Variants in ANKRD44 observed in about 807,000 individuals in gnomAD.
The protein encoded by ANKRD44 is ankyrin repeat domain 44.
A neutral mutation model predicts 116.0 loss-of-function variants in ANKRD44; 35 were observed. The ratio of observed to expected loss-of-function variants is 0.30; its 90% CI spans 0.23 to 0.40. The LOEUF is 0.40. Among genes scored for constraint, ANKRD44 ranks in the 10% least tolerant of loss-of-function variants. The probability of loss-of-function intolerance (pLI) is 1.00; values close to 1 mark genes in which losing one functional copy is unlikely to be tolerated. For synonymous variants in ANKRD44, 435 were observed against 461.8 expected (o/e 0.94, Z 0.74); for missense variants, 1,014 against 1,242.6 (o/e 0.82, Z 2.77).
At chr2:197,109,047 C>T (rs1306644890) in intron 9 of ANKRD44, among the ~76,000 whole-genome samples, 2 of 152,144 alleles carry the variant, frequency 1.3e-5, no homozygotes, top group Non-Finnish European at 1.5e-5. Context: ...CATGGCCTGA[C>T]GCACAGGGAT....
chr2:197,216,099 C>A (rs1553535028), intron 1 of ANKRD44, among the ~76,000 whole-genome samples: 1 of 152,132 alleles, frequency 6.6e-6, no homozygotes, highest in Non-Finnish European at 1.5e-5. Context: ...TTAGTAAAAC[C>A]AAGAAGACAT....
chr2:197,122,780 A>T lies in ANKRD44; in HGVS notation c.563T>A (p.Val188Asp). 6.2e-7 allele frequency: 1 copy of T among 1,613,760 alleles called. No homozygotes were observed. Among genetic ancestry groups the T allele is most frequent in the Non-Finnish European group, 8.5e-7 (1 of 1,179,838 alleles). The change falls in exon 7 of 28, where the codon GTT (valine) becomes GAT (aspartate). Residue 188 changes from valine (V) to aspartate (D), a missense_variant. By Grantham distance (152) the Val-to-Asp change is radical. Coordinates refer to ENST00000282272, the MANE Select transcript of ANKRD44 (RefSeq NM_001195144.2). ...HWAAYMGHLD[V>D]VALLINHGAE... The stretch of plus-strand genomic sequence containing the variant: ...GCCATGGTTAATGAGCAATGCTACA[A>T]CATCCAAGTGGCCTTTACAAACAAA...
chr2:197,276,100 A>C (rs1574422286), intron 1 of ANKRD44, among the ~76,000 whole-genome samples: 1 of 152,040 alleles, frequency 6.6e-6, no homozygotes, highest in East Asian at 1.9e-4. Context: ...ACATGGTGAA[A>C]CCCTGTCTCT....
chr2:197,071,527 T>C (rs1447987969), intron 16 of ANKRD44, among the ~76,000 whole-genome samples: 1 of 152,228 alleles, frequency 6.6e-6, no homozygotes, highest in Non-Finnish European at 1.5e-5. Flanking sequence ...TATTGATTTC[T>C]AGTTTTATCC....
intron 1 of ANKRD44, among the ~76,000 whole-genome samples, chr2:197,202,925 G>GT (rs2081125983): frequency 6.6e-6 from 1 of 151,562 alleles, no homozygotes; most frequent in Admixed American, 6.6e-5. Flanking sequence ...TTTGGCTGAT[G>GT]TTTTTTGGCT....
chr2:196,996,254 T>A (rs988012746), intron 25 of ANKRD44, among the ~76,000 whole-genome samples: 1 of 152,228 alleles, frequency 6.6e-6, no homozygotes, highest in Non-Finnish European at 1.5e-5. Context: ...TTCGTTTGCA[T>A]GATAAAGTTT....
At chr2:196,972,655 T>C (rs2075723837) in intron 21 of ANKRD44, among the ~76,000 whole-genome samples, 1 of 152,250 alleles carries the variant, frequency 6.6e-6, no homozygotes. Flanking sequence ...AAGTCTATAT[T>C]TGTAGCCTGC....
Position 196,998,426 on chromosome 2 carries a change from A to C in ANKRD44, c.2666-7T>G. On this transcript the variant is annotated splice_region_variant and splice_polypyrimidine_tract_variant and intron_variant, in intron 24 of 27. Transcript: ENST00000282272. ...GCACTGTTCACCAAAATATCTGTAG[A>C]AAAAGCCCAAAAGAGGGTTACTTAG... The C allele has an allele frequency of 6.2e-7, 1 of 1,611,600 alleles. No individual in the cohort carries two copies. The highest frequency in any genetic ancestry group is 8.5e-7 in the Non-Finnish European group (1 of 1,178,204).
chr2:197,031,338 T>G (rs1387526857), intron 16 of ANKRD44, among the ~76,000 whole-genome samples: 1 of 152,178 alleles, frequency 6.6e-6, no homozygotes, highest in East Asian at 1.9e-4. Context: ...GTTTTGTTTG[T>G]GTGTGTGTTT....
intron 16 of ANKRD44, among the ~76,000 whole-genome samples, chr2:197,043,318 T>C (rs995729147): frequency 5.3e-5 from 8 of 152,190 alleles, no homozygotes; most frequent in Non-Finnish European, 2.9e-5. Context: ...AAAGTTCCTT[T>C]CTTATTGTTC....
chr2:197,218,559 G>A (rs1024969465), intron 1 of ANKRD44, among the ~76,000 whole-genome samples: 2 of 152,062 alleles, frequency 1.3e-5, no homozygotes, highest in Middle Eastern at 3.4e-3. Context: ...TCTCCATAAA[G>A]CCACCCATGA....
chr2:197,194,986 G>A (rs184298283), intron 1 of ANKRD44, among the ~76,000 whole-genome samples: 1 of 152,094 alleles, frequency 6.6e-6, no homozygotes, highest in Admixed American at 6.5e-5. Flanking sequence ...ATAACTGGGT[G>A]GGGGGAGCAT....
exon 22 of ANKRD44, chr2:196,967,267 A>C (rs893348575): frequency 6.8e-6 from 2 of 292,636 alleles, no homozygotes; most frequent in Admixed American, 7.7e-5. Context: ...CGTGCTTCCC[A>C]ATCACAGACA....
intron 21 of ANKRD44, among the ~76,000 whole-genome samples, chr2:196,976,914 AG>A (rs2125862293): frequency 7.0e-6 from 1 of 141,988 alleles, no homozygotes; most frequent in East Asian, 2.4e-4. Flanking sequence ...AGAGGGAGGG[AG>A]GGAGGGCTCT....
At chr2:197,228,232 G>C (rs2081766189) in intron 1 of ANKRD44, among the ~76,000 whole-genome samples, 1 of 152,200 alleles carries the variant, frequency 6.6e-6, no homozygotes, top group Non-Finnish European at 1.5e-5. Flanking sequence ...GCAAATGTTA[G>C]CTGCTGGTTA....
chr2:196,971,636 G>A (rs7591162), intron 21 of ANKRD44, among the ~76,000 whole-genome samples: 87,893 of 152,008 alleles, frequency 0.58, 28,111 homozygotes, highest in East Asian at 0.82. Context: ...TTTGGCATGC[G>A]TGTCTCTACT....
At chr2:197,194,576 T>C (rs529138636) in intron 1 of ANKRD44, among the ~76,000 whole-genome samples, 66 of 152,292 alleles carry the variant, frequency 4.3e-4, no homozygotes, top group Admixed American at 1.8e-3. Context: ...ACATGTAATA[T>C]AATATATATA....
chr2:197,276,671 C>T (rs759657295), intron 1 of ANKRD44, among the ~76,000 whole-genome samples: 3 of 151,960 alleles, frequency 2.0e-5, no homozygotes, highest in Non-Finnish European at 4.4e-5. Context: ...TAGAGTATTA[C>T]ATTGATTTAT....
At chr2:197,091,849 C>A (rs2078049828) in intron 10 of ANKRD44, among the ~76,000 whole-genome samples, 1 of 152,274 alleles carries the variant, frequency 6.6e-6, no homozygotes, top group South Asian at 2.1e-4. Context: ...ACCCACATCA[C>A]AATACCAGTC....
Sources: gnomAD v4.1 joint callset for allele counts (sites outside exome capture counted in the v4.1 genomes callset) on GRCh38, gnomAD v4.1.1 for gene constraint, MANE v1.5 for transcripts, NCBI Gene and HGNC (gene_info 2026-07-23, HGNC 2026-07-21) for gene names.